ZBTB20: variants seen among roughly 807,000 people sequenced by gnomAD.
ZBTB20 encodes zinc finger and BTB domain-containing protein 20.
In ZBTB20, 9 loss-of-function variants were observed where a neutral mutation model predicts 56.9. That is an observed-to-expected ratio of 0.16 (90% CI 0.10 to 0.28). The LOEUF is 0.28. Among genes scored for constraint, ZBTB20 ranks in the 10% least tolerant of loss-of-function variants. The probability of loss-of-function intolerance (pLI) is 1.00; values close to 1 mark genes in which losing one functional copy is unlikely to be tolerated. For synonymous variants in ZBTB20, 417 were observed against 420.7 expected (o/e 0.99, Z 0.11); for missense variants, 655 against 1,003.0 (o/e 0.65, Z 4.69).
intron 4 of ZBTB20, among the ~76,000 whole-genome samples, chr3:114,816,808 A>G (rs1337990739): frequency 6.6e-6 from 1 of 152,172 alleles, no homozygotes; most frequent in Non-Finnish European, 1.5e-5. Context: ...GAGATTCAGA[A>G]AGCAATGATT....
chr3:114,560,310 T>C (rs1218317816), intron 6 of ZBTB20, among the ~76,000 whole-genome samples: 1 of 152,204 alleles, frequency 6.6e-6, no homozygotes, highest in Non-Finnish European at 1.5e-5. Flanking sequence ...CTTGAGTCTG[T>C]TACTTTTCAG....
chr3:114,524,607 C>G (rs1043462740), intron 6 of ZBTB20, among the ~76,000 whole-genome samples: 1 of 152,134 alleles, frequency 6.6e-6, no homozygotes, highest in African/African-American at 2.4e-5. Flanking sequence ...ATCTTTCCAG[C>G]TTATATACTG....
chr3:114,846,152 A>ATG lies in ZBTB20; in HGVS notation c.-416-44980_-416-44979dup, dbSNP rs764152484. Among the ~76,000 whole-genome samples, 663 of 152,200 alleles carry ATG rather than the reference A, an allele frequency of 4.4e-3. 2 individuals are homozygous for ATG. Among genetic ancestry groups the ATG allele is most frequent in the South Asian group, 0.016 (76 of 4,824 alleles). The stretch of plus-strand genomic sequence containing the variant: ...ATACACACCTACATATACCTATATA[A>ATG]TGTGTGTGTCTGTGTGTTTGTATGC... On this transcript the variant is annotated intron_variant, in intron 4 of 11. Coordinates refer to ENST00000675478, the MANE Select transcript of ZBTB20 (RefSeq NM_001348800.3).
At chr3:114,923,673 T>C (rs1560403140) in intron 3 of ZBTB20, among the ~76,000 whole-genome samples, 1 of 152,068 alleles carries the variant, frequency 6.6e-6, no homozygotes. Flanking sequence ...TTTTTGGATA[T>C]TGACACGAAA....
chr3:115,002,695 G>A (rs1233120468), intron 2 of ZBTB20, among the ~76,000 whole-genome samples: 1 of 151,524 alleles, frequency 6.6e-6, no homozygotes, highest in African/African-American at 2.4e-5. Context: ...AACAATTGCC[G>A]TCAAGGATGT....
chr3:114,736,642 G>T (rs539404603), intron 5 of ZBTB20, among the ~76,000 whole-genome samples: 8 of 152,206 alleles, frequency 5.3e-5, no homozygotes, highest in African/African-American at 1.9e-4. Flanking sequence ...GGGACTAATG[G>T]TTATCAAAAT....
chr3:114,454,902 TGCCATCA>T (rs1457455270), intron 7 of ZBTB20: 1 of 150,886 alleles, frequency 6.6e-6, no homozygotes, highest in Non-Finnish European at 1.5e-5. Context: ...AGTGCCATTC[TGCCATCA>T]GCAAGCAGAC....
intron 3 of ZBTB20, among the ~76,000 whole-genome samples, chr3:114,970,450 A>C (rs897264580): frequency 1.3e-5 from 2 of 152,208 alleles, no homozygotes; most frequent in African/African-American, 2.4e-5. Context: ...AAGAAACACA[A>C]ATCACCTATA....
rs1576744101 is a variant in ZBTB20 at position 114,434,558 on chromosome 3, T to TGTGTGTGTGTGTGTG, written c.-254-45454_-254-45453insCACACACACACACAC. Among the ~76,000 whole-genome samples the TGTGTGTGTGTGTGTG allele has an allele frequency of 4.1e-5, 6 of 146,050 alleles. 1 individual carries two copies. Among genetic ancestry groups the TGTGTGTGTGTGTGTG allele is most frequent in the Admixed American group, 1.4e-4 (2 of 14,560 alleles). ...GCAATTGGGGTGTGTGTGTGTGTGT[T>TGTGTGTGTGTGTGTG]TGTGTGTGTGTGTGTGTGTATCTTT... On this transcript the variant is annotated intron_variant, in intron 7 of 11. Coordinates refer to ENST00000675478, the MANE Select transcript of ZBTB20 (RefSeq NM_001348800.3).
intron 7 of ZBTB20, among the ~76,000 whole-genome samples, chr3:114,472,130 C>T (rs550978219): frequency 6.6e-5 from 10 of 152,300 alleles, no homozygotes; most frequent in African/African-American, 2.4e-4. Flanking sequence ...GCACTTATGT[C>T]TAGAATTTTT....
rs183823255 is a variant in ZBTB20 at position 114,470,768 on chromosome 3, C to T, written c.-255+29584G>A. Among the ~76,000 whole-genome samples the T allele has an allele frequency of 2.5e-4, 38 of 152,256 alleles. No homozygotes were observed. The East Asian group carries it at 2.7e-3, about 11-fold the overall frequency. ...TCCTTTAGAAGAAAAAAACTCCTTC[C>T]TGAAATACTAACATCTTTTCTTTGT... On this transcript the variant is annotated intron_variant, in intron 7 of 11. Coordinates refer to ENST00000675478, the MANE Select transcript of ZBTB20 (RefSeq NM_001348800.3).
At chr3:114,478,505 A>T (rs2041140387) in intron 7 of ZBTB20, among the ~76,000 whole-genome samples, 1 of 152,222 alleles carries the variant, frequency 6.6e-6, no homozygotes, top group Non-Finnish European at 1.5e-5. Flanking sequence ...TGGAAAAACT[A>T]ATAGCTATCA....
chr3:114,676,194 A>G (rs1034652702), intron 6 of ZBTB20, among the ~76,000 whole-genome samples: 1 of 152,148 alleles, frequency 6.6e-6, no homozygotes, highest in African/African-American at 2.4e-5. Context: ...CATTCATTTG[A>G]TCTTCTCAAC....
chr3:114,326,006 C>A lies in ZBTB20; in HGVS notation c.*12999G>T, dbSNP rs1484463509. ...CTAGTGCCTGGGGTTGGGGCAGGTG[C>A]AGGGGTGTGGGGAAGGAGAGAGAAG... On this transcript the variant is annotated 3_prime_UTR_variant, in exon 12 of 12. Coordinates refer to ENST00000675478, the MANE Select transcript of ZBTB20 (RefSeq NM_001348800.3). 2 of 151,686 alleles carry A rather than the reference C, an allele frequency of 1.3e-5. No individual in the cohort carries two copies. The highest frequency in any genetic ancestry group is 2.4e-5 in the African/African-American group (1 of 41,242). 9.4% of individuals were successfully genotyped at this position (151,686 alleles called of 1,614,324 possible).
intron 11 of ZBTB20, among the ~76,000 whole-genome samples, chr3:114,348,324 C>A (rs535294166): frequency 1.3e-5 from 2 of 152,278 alleles, no homozygotes; most frequent in Non-Finnish European, 1.5e-5. Context: ...TATAAATCAG[C>A]TATCCAGGGG....
At chr3:114,911,203 G>A (rs1173034731) in intron 3 of ZBTB20, among the ~76,000 whole-genome samples, 1 of 151,946 alleles carries the variant, frequency 6.6e-6, no homozygotes, top group African/African-American at 2.4e-5. Context: ...ACCTAAGAAG[G>A]CCATTTTGAG....
chr3:115,115,490 T>C (rs531796131), intron 1 of ZBTB20, among the ~76,000 whole-genome samples: 9 of 152,188 alleles, frequency 5.9e-5, no homozygotes, highest in East Asian at 1.9e-4. Context: ...TTAGAAATAT[T>C]GGTACTTTCA....
At chr3:114,745,938 A>T (rs1334882310) in intron 5 of ZBTB20, among the ~76,000 whole-genome samples, 1 of 152,046 alleles carries the variant, frequency 6.6e-6, no homozygotes, top group Non-Finnish European at 1.5e-5. Flanking sequence ...CCAAACTCAG[A>T]CTCTCCGGAA....
intron 6 of ZBTB20, among the ~76,000 whole-genome samples, chr3:114,524,640 A>G (rs2047010139): frequency 6.6e-6 from 1 of 152,086 alleles, no homozygotes; most frequent in South Asian, 2.1e-4. Context: ...TTAATTTCCT[A>G]GACTAGATAG....
Sources: allele counts gnomAD v4.1 joint callset (sites outside exome capture counted in the v4.1 genomes callset), GRCh38; gene constraint gnomAD v4.1.1; transcripts MANE v1.5; gene names NCBI Gene and HGNC (gene_info 2026-07-23, HGNC 2026-07-21).